Variants in TEX2 observed in about 807,000 individuals in gnomAD.
TEX2 encodes testis-expressed protein 2.
TEX2 carries 53 observed loss-of-function variants against 106.9 expected under a neutral mutation model. The ratio of observed to expected loss-of-function variants is 0.50; its 90% CI spans 0.40 to 0.62. The LOEUF (loss-of-function observed/expected upper bound fraction) is 0.62. TEX2 is among the 20% of genes least tolerant of loss of function. The pLI is 0.00. For missense variants in TEX2, 1,207 were observed against 1,379.0 expected (o/e 0.88, Z 1.98); for synonymous variants, 523 against 534.8 (o/e 0.98, Z 0.30).
In TEX2 at chr17:64,213,188, AGTT is replaced by A. The variant is rs2033063682; in HGVS notation, c.1027_1029del (p.Asn343del). On this transcript the variant is annotated inframe_deletion, in exon 2 of 12. Transcript: ENST00000584379. The surrounding 1 kb of genome is among the most constrained non-coding windows in gnomAD (Gnocchi z 4.4). ...TCACACTCCTCCTCCTTGATGCTGT[AGTT>A]GTTATTGCTTTCCAAGTGCCCATTC... 6.2e-7 allele frequency: 1 copy of A among 1,614,106 alleles called. No individual in the cohort carries two copies. The highest frequency in any genetic ancestry group is 8.5e-7 in the Non-Finnish European group (1 of 1,180,012).
Position 64,237,008 on chromosome 17 carries a change from G to A in TEX2, c.-25-22766C>T, listed in dbSNP as rs562168199. On this transcript the variant is annotated intron_variant, in intron 1 of 11. Coordinates refer to ENST00000584379, the MANE Select transcript of TEX2 (RefSeq NM_001288732.2). ...AGATTGACCTCAGGGAGCTTAGAGAGGGGTGAGGAGCGAGACAATCACATA... is the reference window on the plus strand; with the variant it reads ...AGATTGACCTCAGGGAGCTTAGAGAAGGGTGAGGAGCGAGACAATCACATA... 6.6e-5 allele frequency among the ~76,000 whole-genome samples: 10 copies of A among 152,314 alleles called. No homozygotes were observed. In the East Asian group the frequency reaches 9.6e-4, roughly 15 times the overall value.
chr17:64,240,736 T>A lies in TEX2; in HGVS notation c.-26+22432A>T, dbSNP rs544982858. Among the ~76,000 whole-genome samples, 8 of 152,216 alleles carry A rather than the reference T, an allele frequency of 5.3e-5. No homozygotes were observed. In the South Asian group the frequency reaches 1.7e-3, roughly 32 times the overall value. ...CTCTTCTTCCTTGATCGGTTTAGAG[T>A]CAGTTGCCTGGTCGATGAAGGGGAA... On this transcript the variant is annotated intron_variant, in intron 1 of 11. Coordinates refer to ENST00000584379, the MANE Select transcript of TEX2 (RefSeq NM_001288732.2).
At chr17:64,250,536 G>T (rs2034069760) in intron 1 of TEX2, among the ~76,000 whole-genome samples, 1 of 152,150 alleles carries the variant, frequency 6.6e-6, no homozygotes, top group African/African-American at 2.4e-5. Flanking sequence ...TGGTCCACTT[G>T]TAATAGACTT....
chr17:64,193,940 T>A (rs111642957), intron 3 of TEX2, 51 bp from the exon 4 acceptor site: 1 of 1,356,820 alleles, frequency 7.4e-7, no homozygotes, highest in Non-Finnish European at 9.9e-7. Flanking sequence ...GGCTACACTA[T>A]GCATTAATAT....
Position 64,237,727 on chromosome 17 carries a change from T to G in TEX2, c.-25-23485A>C, listed in dbSNP as rs370569571. ...AGGACAGGCTCCCATTCACCAAGTC[T>G]GGGAATTTGAGAAGGGCTGGGTTTC... is the stretch of plus-strand genomic sequence containing the variant. On this transcript the variant is annotated intron_variant, in intron 1 of 11. Coordinates refer to ENST00000584379, the MANE Select transcript of TEX2 (RefSeq NM_001288732.2). Among the ~76,000 whole-genome samples, 80 of 152,244 alleles carry G rather than the reference T, an allele frequency of 5.3e-4. No homozygotes were observed. In the South Asian group the frequency reaches 0.016, roughly 30 times the overall value.
At chr17:64,184,325 C>T (rs2031995803) in intron 5 of TEX2, among the ~76,000 whole-genome samples, 2 of 152,078 alleles carry the variant, frequency 1.3e-5, no homozygotes, top group South Asian at 4.1e-4. Flanking sequence ...TGGCCTCAAA[C>T]TCCTGAGCTC....
chr17:64,158,769 G>C (rs992189748), intron 8 of TEX2, among the ~76,000 whole-genome samples: 1 of 152,142 alleles, frequency 6.6e-6, no homozygotes, highest in African/African-American at 2.4e-5. Context: ...TCAGGTTCCC[G>C]AAAGGGTCCT....
intron 1 of TEX2, chr17:64,239,414 A>G (rs2033837147): frequency 6.6e-6 from 1 of 152,236 alleles, no homozygotes; most frequent in African/African-American, 2.4e-5. Flanking sequence ...AAATTTAGTT[A>G]TAACTGTTCG....
intron 2 of TEX2, among the ~76,000 whole-genome samples, chr17:64,201,707 TCTC>T (rs2032668011): frequency 6.6e-6 from 1 of 152,102 alleles, no homozygotes; most frequent in Non-Finnish European, 1.5e-5. Context: ...AGACGGCACT[TCTC>T]CTAGGAAGCC....
At chr17:64,162,677 C>A (rs2030942283) in intron 7 of TEX2, among the ~76,000 whole-genome samples, 1 of 152,126 alleles carries the variant, frequency 6.6e-6, no homozygotes, top group South Asian at 2.1e-4. Flanking sequence ...GTCCAGCGTC[C>A]CTGCCAGGAG....
At chr17:64,223,049 A>T (rs2033403441) in intron 1 of TEX2, among the ~76,000 whole-genome samples, 2 of 152,166 alleles carry the variant, frequency 1.3e-5, no homozygotes, top group African/African-American at 4.8e-5. Flanking sequence ...CTCTCTCCAG[A>T]ATTTATGTAG....
At chr17:64,253,593 A>G (rs2034132813) in intron 1 of TEX2, among the ~76,000 whole-genome samples, 1 of 152,180 alleles carries the variant, frequency 6.6e-6, no homozygotes, top group East Asian at 1.9e-4. Context: ...GGTTGTTTGC[A>G]CCAAACTAGA....
intron 8 of TEX2, among the ~76,000 whole-genome samples, chr17:64,158,494 G>A (rs1437259288): frequency 6.6e-6 from 1 of 152,190 alleles, no homozygotes; most frequent in Non-Finnish European, 1.5e-5. Flanking sequence ...GTGCTTTGGA[G>A]GTTTAATATT....
chr17:64,199,670 A>G (rs2032594802), intron 2 of TEX2, among the ~76,000 whole-genome samples: 1 of 152,260 alleles, frequency 6.6e-6, no homozygotes, highest in South Asian at 2.1e-4. Flanking sequence ...ATTAAAAATT[A>G]TTACTGGTAT....
At chr17:64,254,171 A>G (rs2034142810) in intron 1 of TEX2, among the ~76,000 whole-genome samples, 1 of 152,186 alleles carries the variant, frequency 6.6e-6, no homozygotes, top group Admixed American at 6.5e-5. Context: ...CTCATTTCAT[A>G]ATATTCTGAG....
Position 64,195,087 on chromosome 17 carries a change from C to T in TEX2, c.1653G>A (p.Met551Ile). ...CTGGATCATAGTTGTAAATCTCATT[C>T]ATCCATCCCTGATGAAGAAAAACTT... The part of the protein sequence containing the change: ...IKEPEILKGW[M>I]NEIYNYDPET... Residue 551 changes from methionine to isoleucine, a missense_variant, in exon 3 of 12, where the codon ATG becomes ATA. Coordinates refer to ENST00000584379, the MANE Select transcript of TEX2 (RefSeq NM_001288732.2). This position sits in a 1 kb window ranked among gnomAD's most constrained non-coding sequence, Gnocchi z 4.1. The T allele has an allele frequency of 6.2e-7, 1 of 1,613,996 alleles. No homozygotes were observed. The highest frequency in any genetic ancestry group is 2.2e-5 in the East Asian group (1 of 44,874).
chr17:64,175,165 G>A lies in TEX2; in HGVS notation c.2571+2160C>T, dbSNP rs575274084. 1.4e-4 allele frequency among the ~76,000 whole-genome samples: 21 copies of A among 152,318 alleles called. No individual in the cohort carries two copies. The South Asian group carries it at 2.7e-3, about 20-fold the overall frequency. On this transcript the variant is annotated intron_variant, in intron 6 of 11. Coordinates refer to ENST00000584379, the MANE Select transcript of TEX2 (RefSeq NM_001288732.2). The stretch of plus-strand genomic sequence containing the variant: ...TATTTGGTGGCAATCAGTTCTTTTC[G>A]TAGGGGCGGTGACAGCTTCAGAATT...
rs757731453 is a variant in TEX2, at chr17:64,194,886, C to G, written c.1845+9G>C. The G allele has an allele frequency of 4.3e-6, 7 of 1,613,858 alleles. 1 individual carries two copies. In the South Asian group the frequency reaches 7.7e-5, roughly 18 times the overall value. On this transcript the variant is annotated intron_variant, in intron 3 of 11. Transcript: ENST00000584379. Reference sequence around the variant, plus strand: ...TCTAAGCTATCCTTCCAAAATTGCTCAGGCTCACCTTGCTGTCTGAGAGGT... The same window carrying G: ...TCTAAGCTATCCTTCCAAAATTGCTGAGGCTCACCTTGCTGTCTGAGAGGT...
intron 9 of TEX2, among the ~76,000 whole-genome samples, chr17:64,154,190 C>T (rs1243776844): frequency 2.6e-5 from 4 of 152,342 alleles, no homozygotes; most frequent in South Asian, 4.1e-4. Flanking sequence ...TCTGAATTCT[C>T]ATCTCCTGTA....
Sources: gnomAD v4.1 joint callset for allele counts (sites outside exome capture counted in the v4.1 genomes callset) on GRCh38, gnomAD v4.1.1 for gene constraint, Gnocchi (gnomAD v3.1) non-coding constraint, MANE v1.5 for transcripts, NCBI Gene and HGNC (gene_info 2026-07-23, HGNC 2026-07-21) for gene names.